Variants in LYPLAL1 observed in about 807,000 individuals in gnomAD.
LYPLAL1 encodes lysophospholipase-like protein 1.
A neutral mutation model predicts 19.7 loss-of-function variants in LYPLAL1; 23 were observed. The observed-to-expected ratio is 1.17, with a 90% CI of 0.84 to 1.65. The LOEUF is 1.65. Among genes scored for constraint, LYPLAL1 ranks in the 40% most tolerant of loss-of-function variants. LYPLAL1 has a pLI of 0.00. For synonymous variants in LYPLAL1, 119 were observed against 96.3 expected (o/e 1.24, Z -1.38); for missense variants, 355 against 279.4 (o/e 1.27, Z -1.93).
At chr1:219,412,172 C>T in the LYPLAL1 span, among the ~76,000 whole-genome samples, 1 of 152,212 alleles carries the variant, frequency 6.6e-6, no homozygotes, top group East Asian at 1.9e-4. Context: ...TCTCAGCCCC[C>T]CAACAGGTAC....
chr1:219,175,078 T>C, intron 1 of LYPLAL1: 1 of 985,382 alleles, frequency 1.0e-6, no homozygotes. Context: ...GGCAGAGACC[T>C]GGAAAAGGGC....
At chr1:219,420,535 G>A in the LYPLAL1 span, among the ~76,000 whole-genome samples, 2 of 152,072 alleles carry the variant, frequency 1.3e-5, no homozygotes, top group Non-Finnish European at 2.9e-5. Context: ...GTAGTCAAAC[G>A]TTTAGTTCAG....
the LYPLAL1 span, among the ~76,000 whole-genome samples, chr1:219,403,939 AT>A: frequency 2.6e-5 from 4 of 152,154 alleles, no homozygotes; most frequent in Admixed American, 1.3e-4. Context: ...ATAGAAATTC[AT>A]TTTCTCTCTG....
the LYPLAL1 span, among the ~76,000 whole-genome samples, chr1:219,415,723 G>T: frequency 0.16 from 24,759 of 152,186 alleles, 2,120 homozygotes; most frequent in East Asian, 0.27. Context: ...TTGTCTCCCA[G>T]TTCTAGGGTC....
the LYPLAL1 span, among the ~76,000 whole-genome samples, chr1:219,360,095 C>T: frequency 6.6e-6 from 1 of 152,160 alleles, no homozygotes; most frequent in Non-Finnish European, 1.5e-5. Flanking sequence ...ACCTGTCTCT[C>T]CACATGTTAA....
At chr1:219,386,002 T>G in the LYPLAL1 span, among the ~76,000 whole-genome samples, 3 of 152,140 alleles carry the variant, frequency 2.0e-5, no homozygotes, top group Non-Finnish European at 4.4e-5. Flanking sequence ...ACCTGTGTGG[T>G]GAGAGCCCTC....
At chr1:219,211,325 G>A (rs1322124761) in intron 4 of LYPLAL1, among the ~76,000 whole-genome samples, 167 bp from the exon 5 acceptor site, 1 of 152,052 alleles carries the variant, frequency 6.6e-6, no homozygotes, top group South Asian at 2.1e-4. Context: ...TAAGTCCCCA[G>A]GCCTGGCCCA....
the LYPLAL1 span, among the ~76,000 whole-genome samples, chr1:219,396,697 A>G: frequency 6.6e-6 from 1 of 152,092 alleles, no homozygotes; most frequent in South Asian, 2.1e-4. Flanking sequence ...GCAATTTTGA[A>G]TGAAATTGTG....
the LYPLAL1 span, among the ~76,000 whole-genome samples, chr1:219,235,887 G>A: frequency 6.6e-6 from 1 of 152,122 alleles, no homozygotes; most frequent in South Asian, 2.1e-4. Flanking sequence ...CCAAAGACAT[G>A]GTTCTGAGGT....
At chr1:219,339,509 A>G in the LYPLAL1 span, among the ~76,000 whole-genome samples, 1 of 152,084 alleles carries the variant, frequency 6.6e-6, no homozygotes, top group African/African-American at 2.4e-5. Context: ...TGCATACACA[A>G]TTTACACAAA....
At chr1:219,200,702 G>T (rs776729466) in intron 3 of LYPLAL1, 11 of 241,680 alleles carry the variant, frequency 4.6e-5, no homozygotes, top group Non-Finnish European at 8.5e-5. Flanking sequence ...TACACATCTT[G>T]ATCTGCTTGC....
chr1:219,183,593 TC>T, intron 2 of LYPLAL1, among the ~76,000 whole-genome samples: 1 of 152,116 alleles, frequency 6.6e-6, no homozygotes, highest in South Asian at 2.1e-4. Flanking sequence ...TCAAGTCAAC[TC>T]CCATCTCATG....
At chr1:219,441,989 A>G in the LYPLAL1 span, among the ~76,000 whole-genome samples, 2 of 152,174 alleles carry the variant, frequency 1.3e-5, no homozygotes, top group African/African-American at 4.8e-5. Context: ...GAAATCAAAA[A>G]GCAAAATTGA....
the LYPLAL1 span, among the ~76,000 whole-genome samples, chr1:219,369,244 C>T: frequency 3.9e-5 from 6 of 152,190 alleles, no homozygotes; most frequent in Admixed American, 2.0e-4. Flanking sequence ...ATTTTACTAA[C>T]ACCCTTTATT....
the LYPLAL1 span, among the ~76,000 whole-genome samples, chr1:219,418,355 G>A: frequency 1.1e-4 from 16 of 152,128 alleles, no homozygotes; most frequent in East Asian, 3.9e-4. Flanking sequence ...CACCCTACCC[G>A]TGTGGATATT....
At chr1:219,444,818 T>G in the LYPLAL1 span, among the ~76,000 whole-genome samples, 3 of 152,222 alleles carry the variant, frequency 2.0e-5, no homozygotes, top group African/African-American at 7.2e-5. Context: ...AATTTTACTT[T>G]CCAACAACTG....
chr1:219,438,355 T>G, the LYPLAL1 span, among the ~76,000 whole-genome samples: 3 of 152,176 alleles, frequency 2.0e-5, no homozygotes, highest in Non-Finnish European at 4.4e-5. Context: ...ATTATATTTC[T>G]TAAGGTAGGG....
the LYPLAL1 span, among the ~76,000 whole-genome samples, chr1:219,224,824 A>T: frequency 3.3e-5 from 5 of 152,108 alleles, no homozygotes; most frequent in Non-Finnish European, 5.9e-5. Flanking sequence ...GTGTAGAATT[A>T]TGTATTTAGG....
At chr1:219,358,585 G>A in the LYPLAL1 span, among the ~76,000 whole-genome samples, 4 of 152,054 alleles carry the variant, frequency 2.6e-5, no homozygotes, top group Admixed American at 6.6e-5. Flanking sequence ...ACATCTTACA[G>A]GGTGGCAGGC....
Sources: allele counts gnomAD v4.1 joint callset (sites outside exome capture counted in the v4.1 genomes callset), GRCh38; gene constraint gnomAD v4.1.1; transcripts MANE v1.5; gene names NCBI Gene and HGNC (gene_info 2026-07-23, HGNC 2026-07-21).